Variants in EDIL3 observed in about 807,000 individuals in gnomAD.
EDIL3 encodes the protein EGF-like repeat and discoidin I-like domain-containing protein 3.
EDIL3 carries 37 observed loss-of-function variants against 67.4 expected under a neutral mutation model. That is an observed-to-expected ratio of 0.55 (90% CI 0.42 to 0.72). The LOEUF is 0.72. Among genes scored for constraint, EDIL3 ranks in the 30% least tolerant of loss-of-function variants. The probability of loss-of-function intolerance (pLI) is 0.00; values close to 1 mark genes in which losing one functional copy is unlikely to be tolerated. For missense variants in EDIL3, 527 were observed against 586.3 expected, an observed-to-expected ratio of 0.90 and a Z score of 1.04; for synonymous variants, 195 against 196.3, an observed-to-expected ratio of 0.99 and a Z score of 0.05.
At position 84,384,620 on chromosome 5, in the gene EDIL3, C is replaced by G. The variant is rs1244933812; in HGVS notation, c.-246G>C. On this transcript the variant is annotated 5_prime_UTR_variant, in exon 1 of 11. Coordinates refer to ENST00000296591, the MANE Select transcript of EDIL3 (RefSeq NM_005711.5). ...CGGAGGTGGGTGAGCTCCGGGGAGC[C>G]GCCGGCGGGCTCAGCCCTCCGCTGC... 7 of 311,088 alleles carry G rather than the reference C, an allele frequency of 2.3e-5. No individual in the cohort carries two copies. In the East Asian group the frequency reaches 3.6e-4, roughly 16 times the overall value. 19.3% of individuals were successfully genotyped at this position (311,088 alleles called of 1,614,324 possible).
At chr5:84,083,542 G>A (rs1580318855) in intron 6 of EDIL3, among the ~76,000 whole-genome samples, 1 of 151,904 alleles carries the variant, frequency 6.6e-6, no homozygotes, top group Non-Finnish European at 1.5e-5. Context: ...TTTGTCTTCT[G>A]AAAACCAGGC....
intron 2 of EDIL3, among the ~76,000 whole-genome samples, chr5:84,233,966 T>C (rs1272719176): frequency 6.6e-6 from 1 of 152,186 alleles, no homozygotes; most frequent in Non-Finnish European, 1.5e-5. Context: ...ATATCAACCA[T>C]GAATCCTGAC....
chr5:84,217,757 CACACACAT>C (rs1236832602), intron 3 of EDIL3, among the ~76,000 whole-genome samples: 18 of 151,160 alleles, frequency 1.2e-4, no homozygotes, highest in African/African-American at 3.4e-4. Flanking sequence ...CACACACACA[CACACACAT>C]CCTTCTGGTT....
intron 1 of EDIL3, among the ~76,000 whole-genome samples, chr5:84,313,315 C>A (rs986319978): frequency 6.6e-6 from 1 of 152,116 alleles, no homozygotes; most frequent in African/African-American, 2.4e-5. Flanking sequence ...AAATTTCATA[C>A]ATAAGTAAAT....
At chr5:83,993,199 G>T (rs1419932014) in intron 9 of EDIL3, among the ~76,000 whole-genome samples, 1 of 152,082 alleles carries the variant, frequency 6.6e-6, no homozygotes, top group African/African-American at 2.4e-5. Context: ...TTGAGACAGG[G>T]TCTTGCTCTG....
chr5:84,371,618 A>G (rs1157730348), intron 1 of EDIL3, among the ~76,000 whole-genome samples: 2 of 151,494 alleles, frequency 1.3e-5, no homozygotes, highest in African/African-American at 4.8e-5. Context: ...ATAAAAAATA[A>G]CAATAAATAG....
intron 4 of EDIL3, among the ~76,000 whole-genome samples, chr5:84,160,320 T>C (rs1748580357): frequency 6.6e-6 from 1 of 152,130 alleles, no homozygotes; most frequent in East Asian, 1.9e-4. Context: ...CATCACAACA[T>C]GGAAACAACT....
intron 9 of EDIL3, among the ~76,000 whole-genome samples, chr5:83,963,603 A>T (rs1322415635): frequency 6.7e-6 from 1 of 149,874 alleles, no homozygotes; most frequent in Non-Finnish European, 1.5e-5. Flanking sequence ...AATCATGGTG[A>T]TTTCAGTCCA....
At chr5:84,017,035 G>A (rs925869283) in intron 9 of EDIL3, among the ~76,000 whole-genome samples, 1 of 152,148 alleles carries the variant, frequency 6.6e-6, no homozygotes. Context: ...CAGTTTCCTC[G>A]TGTACAAAGT....
At chr5:84,178,500 C>G (rs919623184) in intron 4 of EDIL3, among the ~76,000 whole-genome samples, 1 of 152,142 alleles carries the variant, frequency 6.6e-6, no homozygotes, top group Non-Finnish European at 1.5e-5. Flanking sequence ...ATATATCACC[C>G]TTTTCAATTT....
chr5:84,206,642 C>T (rs1755275227), intron 3 of EDIL3, among the ~76,000 whole-genome samples: 2 of 152,232 alleles, frequency 1.3e-5, no homozygotes, highest in East Asian at 3.9e-4. Context: ...ATGCAAAAAT[C>T]TTCAATAAAA....
intron 1 of EDIL3, among the ~76,000 whole-genome samples, chr5:84,383,350 G>A (rs545885508): frequency 6.6e-6 from 1 of 152,284 alleles, no homozygotes; most frequent in Admixed American, 6.5e-5. Flanking sequence ...GTCAGCACAA[G>A]GGTTTGTATG....
At chr5:84,105,515 G>A (rs1321663874) in intron 6 of EDIL3, among the ~76,000 whole-genome samples, 2 of 152,110 alleles carry the variant, frequency 1.3e-5, no homozygotes, top group East Asian at 3.9e-4. Context: ...ACTAGTTCTT[G>A]TATAGTACAC....
chr5:83,976,832 A>T lies in EDIL3; in HGVS notation c.1138-13472T>A, dbSNP rs570826857. ...AATATTTAGTCTTGTCATAAAATTT[A>T]TAAAGAATTTCATACAGGAATCTTC... On this transcript the variant is annotated intron_variant, in intron 9 of 10. Coordinates refer to ENST00000296591, the MANE Select transcript of EDIL3 (RefSeq NM_005711.5). Among the ~76,000 whole-genome samples the T allele has an allele frequency of 1.5e-3, 232 of 151,960 alleles. 2 individuals are homozygous for T. Among genetic ancestry groups the T allele is most frequent in the African/African-American group, 5.3e-3 (220 of 41,560 alleles).
intron 1 of EDIL3, among the ~76,000 whole-genome samples, chr5:84,295,351 A>C (rs1746027235): frequency 6.6e-6 from 1 of 152,096 alleles, no homozygotes; most frequent in African/African-American, 2.4e-5. Context: ...ACCACAAAAA[A>C]AGTCTAAAAT....
At chr5:84,042,780 G>T (rs1746156128) in intron 9 of EDIL3, among the ~76,000 whole-genome samples, 1 of 152,124 alleles carries the variant, frequency 6.6e-6, no homozygotes, top group Admixed American at 6.6e-5. Flanking sequence ...AAATAATGAT[G>T]CTTTCATAGC....
In EDIL3 at chr5:83,942,878, A is replaced by G. The variant is rs1243722219; in HGVS notation, c.*541T>C. ...TAATGAAAGTAAAATGAGAATTATAATATCAGTACTGCATGTTACATATTC... is the reference window on the plus strand; with the variant it reads ...TAATGAAAGTAAAATGAGAATTATAGTATCAGTACTGCATGTTACATATTC... On this transcript the variant is annotated 3_prime_UTR_variant, in exon 11 of 11. Transcript: ENST00000296591. The G allele has an allele frequency of 2.0e-5, 3 of 152,738 alleles. No individual in the cohort carries two copies. The highest frequency in any genetic ancestry group is 4.4e-5 in the Non-Finnish European group (3 of 68,160). The allele number at this position is 152,738 out of a possible 1,614,324, so 9.5% of individuals were successfully genotyped here.
chr5:84,375,211 C>A (rs1747942950), intron 1 of EDIL3, among the ~76,000 whole-genome samples: 1 of 152,006 alleles, frequency 6.6e-6, no homozygotes, highest in Non-Finnish European at 1.5e-5. Flanking sequence ...ACCTCGTGAC[C>A]CGCCCACTTC....
At chr5:84,359,063 C>A (rs1461517775) in intron 1 of EDIL3, among the ~76,000 whole-genome samples, 2 of 152,104 alleles carry the variant, frequency 1.3e-5, no homozygotes, top group Admixed American at 6.6e-5. Flanking sequence ...TTATTAAAAA[C>A]CAATATATCA....
Sources: allele counts gnomAD v4.1 joint callset (sites outside exome capture counted in the v4.1 genomes callset), GRCh38; gene constraint gnomAD v4.1.1; transcripts MANE v1.5; gene names NCBI Gene and HGNC (gene_info 2026-07-23, HGNC 2026-07-21).